The following MTOR variants were observed in gnomAD, a reference collection of about 807,000 sequenced individuals.
MTOR encodes the protein serine/threonine-protein kinase mTOR.
Under a neutral mutation model 319.8 loss-of-function variants are expected in MTOR, and 70 were observed. The observed-to-expected ratio is 0.22, with a 90% CI of 0.18 to 0.27. MTOR has a LOEUF of 0.27. Among genes scored for constraint, MTOR ranks in the 10% least tolerant of loss-of-function variants. The probability of loss-of-function intolerance (pLI) is 1.00; values close to 1 mark genes in which losing one functional copy is unlikely to be tolerated. For missense variants in MTOR, 1,890 were observed against 3,274.4 expected (o/e 0.58, Z 10.32); for synonymous variants, 1,183 against 1,211.4 (o/e 0.98, Z 0.49).
chr1:11,160,432 G>A lies in MTOR; in HGVS notation c.4330-3141C>T, dbSNP rs567026292. On this transcript the variant is annotated intron_variant, in intron 29 of 57. Transcript: ENST00000361445. ...ATATATTTTCTAAAGAACTGGCCAT[G>A]GTGTCTTCCTAAGTATCTAATGAGG... Among the ~76,000 whole-genome samples the A allele has an allele frequency of 7.2e-5, 11 of 152,188 alleles. 1 individual carries two copies. The South Asian group carries it at 1.7e-3, about 23-fold the overall frequency.
chr1:11,176,855 C>T (rs568104872), intron 28 of MTOR, among the ~76,000 whole-genome samples: 2 of 152,256 alleles, frequency 1.3e-5, no homozygotes, highest in South Asian at 2.1e-4. Context: ...GTTGGCTAGG[C>T]CTTGATGTCT....
chr1:11,250,004 G>C (rs1649404797), intron 6 of MTOR, among the ~76,000 whole-genome samples: 2 of 146,668 alleles, frequency 1.4e-5, no homozygotes, highest in African/African-American at 5.0e-5. Context: ...GCCGGGCAGA[G>C]GCGCCCCTCA....
Position 11,176,996 on chromosome 1 carries a change from C to T in MTOR, c.4254-9479G>A, listed in dbSNP as rs187191117. Among the ~76,000 whole-genome samples, 542 of 152,076 alleles carry T rather than the reference C, an allele frequency of 3.6e-3. 6 individuals are homozygous for T. Among genetic ancestry groups the T allele is most frequent in the African/African-American group, 0.012 (504 of 41,498 alleles). On this transcript the variant is annotated intron_variant, in intron 28 of 57. Transcript: ENST00000361445. ...CAAAATGAAAACATCTGAAAAGTGA[C>T]GGGGCAGAAGGTTGGGAGGGCTGCC...
chr1:11,247,291 C>G (rs1648978303), intron 8 of MTOR, among the ~76,000 whole-genome samples: 1 of 152,180 alleles, frequency 6.6e-6, no homozygotes, highest in African/African-American at 2.4e-5. Context: ...CCAAACCCTC[C>G]CTGACTCACA....
chr1:11,242,035 T>C (rs1175193645), intron 9 of MTOR, among the ~76,000 whole-genome samples: 1 of 152,008 alleles, frequency 6.6e-6, no homozygotes, highest in Non-Finnish European at 1.5e-5. Flanking sequence ...ACAGCCATCA[T>C]ATGGAAAGAA....
chr1:11,187,072 A>C (rs1051139727), intron 28 of MTOR, among the ~76,000 whole-genome samples: 2 of 152,220 alleles, frequency 1.3e-5, no homozygotes, highest in African/African-American at 2.4e-5. Context: ...ATGAATGATT[A>C]ATTTATTTTC....
intron 28 of MTOR, among the ~76,000 whole-genome samples, chr1:11,196,849 T>TAAAAAAAAAA (rs78265735): frequency 7.5e-6 from 1 of 133,840 alleles, no homozygotes; most frequent in Admixed American, 7.6e-5. Context: ...CGACTCCATC[T>TAAAAAAAAAA]AAAAAAAAAA....
At chr1:11,112,743 A>G in intron 54 of MTOR, 109 bp downstream of exon 54, 2 of 1,126,678 alleles carry the variant, frequency 1.8e-6, no homozygotes, top group South Asian at 2.5e-5. Context: ...CAAGGGGGAG[A>G]GCCTCTGTAA....
intron 30 of MTOR, among the ~76,000 whole-genome samples, chr1:11,150,501 A>G (rs1031298225): frequency 3.3e-5 from 5 of 152,192 alleles, no homozygotes; most frequent in Non-Finnish European, 7.3e-5. Context: ...CCCTTCATAA[A>G]TATTAAATAA....
intron 49 of MTOR, among the ~76,000 whole-genome samples, chr1:11,119,294 C>T (rs912302239): frequency 2.6e-5 from 4 of 151,626 alleles, no homozygotes; most frequent in Admixed American, 6.6e-5. Flanking sequence ...TGGCCGGGAA[C>T]GGTGGCTCCC....
rs1399999266 is a variant in MTOR at position 11,128,458 on chromosome 1, G to T, written c.5906C>A (p.Pro1969His). 1 of 1,614,008 alleles carries T rather than the reference G, an allele frequency of 6.2e-7. No homozygotes were observed. The highest frequency in any genetic ancestry group is 1.7e-5 in the Admixed American group (1 of 60,026). Residue 1969 changes from proline to histidine, a missense_variant, in exon 42 of 58, where the codon CCC (proline) becomes CAC (histidine). Pro to His is a moderately conservative substitution (Grantham distance 77, BLOSUM62 -2). Coordinates refer to ENST00000361445, the MANE Select transcript of MTOR (RefSeq NM_004958.4). The surrounding 1 kb of genome is among the most constrained non-coding windows in gnomAD (Gnocchi z 5.3). ...QLLTDIGRYH[P>H]QALIYPLTVA... ...CTGCCCAGAGTCTCCACATACCTGGGGGTGGTACCGACCAATGTCTGTGAG... is the reference window on the plus strand; with the variant it reads ...CTGCCCAGAGTCTCCACATACCTGGTGGTGGTACCGACCAATGTCTGTGAG...
At chr1:11,195,252 A>G in intron 28 of MTOR, 1 of 510,828 alleles carries the variant, frequency 2.0e-6, no homozygotes, top group Non-Finnish European at 3.5e-6. Flanking sequence ...CATCCTTCTC[A>G]AGGTGGTAGA....
chr1:11,159,930 T>A (rs1644423073), intron 29 of MTOR, among the ~76,000 whole-genome samples: 1 of 152,112 alleles, frequency 6.6e-6, no homozygotes, highest in Non-Finnish European at 1.5e-5. Flanking sequence ...TTTATGTATT[T>A]TAGAAGTTAT....
At chr1:11,182,057 A>C (rs1645176569) in intron 28 of MTOR, among the ~76,000 whole-genome samples, 1 of 152,116 alleles carries the variant, frequency 6.6e-6, no homozygotes, top group Non-Finnish European at 1.5e-5. Flanking sequence ...CTCTCTACTA[A>C]AAATACAAAA....
intron 21 of MTOR, among the ~76,000 whole-genome samples, chr1:11,213,188 C>A (rs1019919176): frequency 7.2e-5 from 11 of 152,124 alleles, no homozygotes; most frequent in Non-Finnish European, 1.2e-4. Flanking sequence ...AAGATTAATC[C>A]ATTGAAACAG....
chr1:11,185,775 T>C lies in MTOR; in HGVS notation c.4253+13483A>G, dbSNP rs117041106. On this transcript the variant is annotated intron_variant, in intron 28 of 57. Coordinates refer to ENST00000361445, the MANE Select transcript of MTOR (RefSeq NM_004958.4). ...ACTTTCAGTTGAGACAGGAATGGGATGGAGTGCTAGAAAGGCAGATATGTG... is the reference window on the plus strand; with the variant it reads ...ACTTTCAGTTGAGACAGGAATGGGACGGAGTGCTAGAAAGGCAGATATGTG... Among the ~76,000 whole-genome samples, 17 of 152,188 alleles carry C rather than the reference T, an allele frequency of 1.1e-4. No individual in the cohort carries two copies. The East Asian group carries it at 1.2e-3, about 10-fold the overall frequency.
chr1:11,233,023 G>C (rs185583930), intron 15 of MTOR: 18 of 975,074 alleles, frequency 1.8e-5, no homozygotes, highest in Non-Finnish European at 2.4e-5. Flanking sequence ...AAGTAAAATC[G>C]TCCCATTCCC....
At chr1:11,162,874 A>C (rs957586920) in intron 29 of MTOR, among the ~76,000 whole-genome samples, 10 of 152,242 alleles carry the variant, frequency 6.6e-5, no homozygotes, top group African/African-American at 2.4e-4. Context: ...AAACCGCATC[A>C]ACTAACGAGC....
At chr1:11,144,426 A>G (rs779709368) in intron 34 of MTOR, 47 of 494,098 alleles carry the variant, frequency 9.5e-5, no homozygotes, top group Non-Finnish European at 5.8e-5. Flanking sequence ...TAATTCCTAG[A>G]GAAGAGAATA....
Sources: allele counts gnomAD v4.1 joint callset (sites outside exome capture counted in the v4.1 genomes callset), GRCh38; gene constraint gnomAD v4.1.1; non-coding constraint Gnocchi (gnomAD v3.1); transcripts MANE v1.5; gene names NCBI Gene and HGNC (gene_info 2026-07-23, HGNC 2026-07-21).